PPM1H: variants seen among roughly 807,000 people sequenced by gnomAD.
PPM1H encodes the protein protein phosphatase, Mg2+/Mn2+ dependent 1H, also known as protein phosphatase 1H.
Under a neutral mutation model 54.9 loss-of-function variants are expected in PPM1H, and 27 were observed. The observed-to-expected ratio is 0.49, with a 90% confidence interval of 0.36 to 0.68. PPM1H has a LOEUF of 0.68. PPM1H is among the 30% of genes least tolerant of loss of function. PPM1H has a pLI of 0.00. For synonymous variants in PPM1H, 305 were observed against 270.8 expected, an observed-to-expected ratio of 1.13 and a Z score of -1.24; for missense variants, 596 against 667.8, an observed-to-expected ratio of 0.89 and a Z score of 1.19.
At chr12:62,804,666 CTTTTTTTTTCTTTT>C (rs1179406187) in intron 2 of PPM1H, among the ~76,000 whole-genome samples, 1 of 134,284 alleles carries the variant, frequency 7.4e-6, no homozygotes, top group African/African-American at 2.9e-5. Flanking sequence ...TGGTTAATTT[CTTTTTTTTTCTTTT>C]TTTTTTTTTT....
intron 3 of PPM1H, among the ~76,000 whole-genome samples, chr12:62,788,755 T>G (rs2076687582): frequency 6.6e-6 from 1 of 152,236 alleles, no homozygotes; most frequent in African/African-American, 2.4e-5. Flanking sequence ...AGACAGGATC[T>G]GGCTCTGTCA....
intron 5 of PPM1H, among the ~76,000 whole-genome samples, chr12:62,726,741 A>G (rs1399081759): frequency 6.6e-6 from 1 of 152,202 alleles, no homozygotes; most frequent in East Asian, 1.9e-4. Flanking sequence ...TCAGGTGACC[A>G]TGACTGGCTA....
At chr12:62,702,456 C>T (rs1225452895) in intron 6 of PPM1H, among the ~76,000 whole-genome samples, 3 of 151,782 alleles carry the variant, frequency 2.0e-5, no homozygotes. Flanking sequence ...AACCCATGGG[C>T]CAGGAACCTA....
At chr12:62,932,587 G>A (rs1327272977) in intron 1 of PPM1H, among the ~76,000 whole-genome samples, 1 of 142,684 alleles carries the variant, frequency 7.0e-6, no homozygotes, top group Non-Finnish European at 1.5e-5. Flanking sequence ...ATACCACAGG[G>A]TATGCCTCCA....
At chr12:62,825,912 C>T (rs373624609) in intron 2 of PPM1H, among the ~76,000 whole-genome samples, 3 of 151,342 alleles carry the variant, frequency 2.0e-5, no homozygotes, top group Admixed American at 1.3e-4. Flanking sequence ...GCCAAATTAC[C>T]ACCAATTACA....
At chr12:62,715,900 T>A (rs779994176) in intron 6 of PPM1H, among the ~76,000 whole-genome samples, 15 of 152,134 alleles carry the variant, frequency 9.9e-5, no homozygotes, top group Non-Finnish European at 2.1e-4. Context: ...CTTCATTCCA[T>A]CCTCTTGACC....
intron 5 of PPM1H, among the ~76,000 whole-genome samples, chr12:62,733,561 C>T (rs1482565068): frequency 1.3e-5 from 2 of 152,086 alleles, no homozygotes; most frequent in Non-Finnish European, 2.9e-5. Context: ...CTGGCCGATA[C>T]TATTTTCAAG....
At chr12:62,835,607 C>CT (rs1868479532) in intron 1 of PPM1H, among the ~76,000 whole-genome samples, 1 of 152,168 alleles carries the variant, frequency 6.6e-6, no homozygotes, top group Non-Finnish European at 1.5e-5. Flanking sequence ...AAATGTCAAT[C>CT]TAATGGGAAG....
chr12:62,852,414 G>A (rs905053510), intron 1 of PPM1H, among the ~76,000 whole-genome samples: 51 of 152,098 alleles, frequency 3.4e-4, no homozygotes, highest in African/African-American at 1.2e-3. Context: ...GCCCTCACTG[G>A]AACCTGACCA....
chr12:62,930,494 C>T (rs1872098627), intron 1 of PPM1H, among the ~76,000 whole-genome samples: 1 of 152,224 alleles, frequency 6.6e-6, no homozygotes, highest in African/African-American at 2.4e-5. Context: ...ACAACACATT[C>T]TTTGGCATTC....
At chr12:62,704,344 T>G (rs925456655) in intron 6 of PPM1H, among the ~76,000 whole-genome samples, 3 of 152,160 alleles carry the variant, frequency 2.0e-5, no homozygotes, top group African/African-American at 4.8e-5. Flanking sequence ...GGCTCATCAT[T>G]GTATAGCAGG....
chr12:62,751,599 T>A (rs1209625447), intron 4 of PPM1H, among the ~76,000 whole-genome samples: 1 of 152,188 alleles, frequency 6.6e-6, no homozygotes, highest in Non-Finnish European at 1.5e-5. Context: ...TGGATCTCCA[T>A]CCCTGGAATT....
chr12:62,785,471 C>A (rs1459898052), intron 4 of PPM1H, among the ~76,000 whole-genome samples: 18 of 152,212 alleles, frequency 1.2e-4, no homozygotes, highest in Non-Finnish European at 2.6e-4. Context: ...ACCACCACGC[C>A]CGGCCAAAAC....
At chr12:62,807,628 C>T (rs972958193) in intron 2 of PPM1H, among the ~76,000 whole-genome samples, 24 of 151,824 alleles carry the variant, frequency 1.6e-4, no homozygotes, top group African/African-American at 5.8e-4. Context: ...TTTTTTAATC[C>T]CTTGAACTAG....
intron 4 of PPM1H, among the ~76,000 whole-genome samples, chr12:62,778,084 TA>T (rs1357926092): frequency 6.6e-6 from 1 of 152,210 alleles, no homozygotes; most frequent in Admixed American, 6.5e-5. Context: ...GCATCTCTCC[TA>T]AAACTAACAG....
intron 4 of PPM1H, among the ~76,000 whole-genome samples, chr12:62,786,731 C>A (rs903161907): frequency 1.3e-5 from 2 of 152,182 alleles, no homozygotes; most frequent in African/African-American, 4.8e-5. Context: ...CCTGTCAGAA[C>A]CCTGACCTGA....
Position 62,801,971 on chromosome 12 carries a change from C to T in PPM1H, c.601G>A (p.Ala201Thr), listed in dbSNP as rs775351949. ...CLGEEPENTP[A>T]NSRTLTRAAS... ...GCCCGGGTCAGAGTCCGGCTGTTGG[C>T]GGGCGTGTTCTCAGGCTCCTCCCCC... The change falls in exon 3 of 10, where the codon GCC becomes ACC. Residue 201 changes from alanine (A) to threonine (T), a missense_variant. Physicochemically the swap from Ala to Thr is moderately conservative, Grantham distance 58. This residue lies in a region of PPM1H where 382 missense variants were observed against 387.1 expected (regional missense o/e 0.99). Coordinates refer to ENST00000228705, the MANE Select transcript of PPM1H (RefSeq NM_020700.2). The T allele has an allele frequency of 8.1e-6, 13 of 1,612,556 alleles. No homozygotes were observed. Among genetic ancestry groups the T allele is most frequent in the Admixed American group, 1.7e-5 (1 of 59,936 alleles).
chr12:62,819,186 G>C (rs1469190406), intron 2 of PPM1H, among the ~76,000 whole-genome samples: 1 of 141,216 alleles, frequency 7.1e-6, no homozygotes, highest in East Asian at 2.1e-4. Context: ...CTGGAGTGCA[G>C]TGGCGTGATC....
At chr12:62,786,011 C>T (rs921689987) in intron 4 of PPM1H, among the ~76,000 whole-genome samples, 16 of 152,094 alleles carry the variant, frequency 1.1e-4, no homozygotes, top group African/African-American at 9.7e-5. Flanking sequence ...GTAGGGTGGG[C>T]CTGTTTCCAG....
Sources: gnomAD v4.1 joint callset for allele counts (sites outside exome capture counted in the v4.1 genomes callset) on GRCh38, gnomAD v4.1.1 for gene constraint, gnomAD v4.1.1 regional missense constraint, MANE v1.5 for transcripts, NCBI Gene and HGNC (gene_info 2026-07-23, HGNC 2026-07-21) for gene names.